Variants in SDCCAG8 observed in about 807,000 individuals in gnomAD.
The protein encoded by SDCCAG8 is SHH signaling and ciliogenesis regulator SDCCAG8, also known as serologically defined colon cancer antigen 8.
Under a neutral mutation model 101.8 loss-of-function variants are expected in SDCCAG8, and 74 were observed. The ratio of observed to expected loss-of-function variants is 0.73; its 90% CI spans 0.60 to 0.88. The LOEUF is 0.88. Among genes scored for constraint, SDCCAG8 ranks in the 40% least tolerant of loss-of-function variants. SDCCAG8 has a pLI of 0.00. For synonymous variants in SDCCAG8, 281 were observed against 292.9 expected, an observed-to-expected ratio of 0.96 and a Z score of 0.41; for missense variants, 787 against 822.6, an observed-to-expected ratio of 0.96 and a Z score of 0.53.
chr1:243,288,242 CG>C (rs2069828895), intron 5 of SDCCAG8, among the ~76,000 whole-genome samples: 2 of 152,004 alleles, frequency 1.3e-5, no homozygotes, highest in African/African-American at 4.8e-5. Flanking sequence ...ATCACACGAA[CG>C]GATGGATCAC....
chr1:243,258,272 A>T (rs980584371), intron 1 of SDCCAG8, among the ~76,000 whole-genome samples: 7 of 152,190 alleles, frequency 4.6e-5, no homozygotes, highest in African/African-American at 1.7e-4. Context: ...AGGACATATC[A>T]TTTATTTAGT....
At chr1:243,322,393 C>T (rs149808167) in intron 9 of SDCCAG8, among the ~76,000 whole-genome samples, 7 of 152,284 alleles carry the variant, frequency 4.6e-5, no homozygotes, top group African/African-American at 1.7e-4. Flanking sequence ...ATATATGCAT[C>T]TACTATGTAC....
chr1:243,333,332 T>A (rs1009735821), intron 10 of SDCCAG8, among the ~76,000 whole-genome samples: 4 of 152,232 alleles, frequency 2.6e-5, no homozygotes, highest in Non-Finnish European at 5.9e-5. Flanking sequence ...TTTCTTCTAA[T>A]CTGTGGTTCT....
In SDCCAG8 at chr1:243,305,078, G is replaced by A. The variant is rs1158435278; in HGVS notation, c.740+301G>A. The A allele has an allele frequency of 2.3e-5, 7 of 310,590 alleles. No homozygotes were observed. The highest frequency in any genetic ancestry group is 4.3e-5 in the Non-Finnish European group (7 of 163,892). The allele number at this position is 310,590 out of a possible 1,614,324, so 19.2% of individuals were successfully genotyped here. A position where few individuals can be genotyped will look rare whatever the true frequency, so the allele number is the denominator to read the frequency against. ...TCCCAGCACTTTGGGAGGCTGAAGC[G>A]GGCGAATCACGAGGTCAAGAGATTG... On this transcript the variant is annotated intron_variant, in intron 7 of 17. Transcript: ENST00000366541.
At chr1:243,325,885 A>G (rs1334557752) in intron 9 of SDCCAG8, among the ~76,000 whole-genome samples, 1 of 152,244 alleles carries the variant, frequency 6.6e-6, no homozygotes, top group African/African-American at 2.4e-5. Flanking sequence ...ATAATTTTAA[A>G]AGAGGAAAAG....
intron 6 of SDCCAG8, among the ~76,000 whole-genome samples, chr1:243,301,646 A>G (rs2071514615): frequency 6.6e-6 from 1 of 152,220 alleles, no homozygotes; most frequent in South Asian, 2.1e-4. Flanking sequence ...ACACGCACAA[A>G]AACTTTGTAC....
chr1:243,498,316 G>A (rs1243018325), intron 17 of SDCCAG8, among the ~76,000 whole-genome samples: 1 of 152,202 alleles, frequency 6.6e-6, no homozygotes, highest in African/African-American at 2.4e-5. Flanking sequence ...AGGGCTCTAG[G>A]GCATAGTGCA....
chr1:243,475,518 C>T (rs1013520706), intron 16 of SDCCAG8, among the ~76,000 whole-genome samples: 1 of 152,136 alleles, frequency 6.6e-6, no homozygotes, highest in African/African-American at 2.4e-5. Flanking sequence ...CCATAAGCAA[C>T]ACTGACCCAG....
At chr1:243,425,906 A>G (rs1243754191) in intron 15 of SDCCAG8, among the ~76,000 whole-genome samples, 1 of 152,220 alleles carries the variant, frequency 6.6e-6, no homozygotes, top group African/African-American at 2.4e-5. Context: ...TCATCTAAAA[A>G]GCACCCTCAC....
chr1:243,426,666 C>A, intron 16 of SDCCAG8, 108 bp downstream of exon 16: 1 of 1,320,244 alleles, frequency 7.6e-7, no homozygotes, highest in Non-Finnish European at 1.1e-6. Flanking sequence ...CATTATGCTA[C>A]TTGTGACATG....
intron 16 of SDCCAG8, among the ~76,000 whole-genome samples, chr1:243,459,871 A>G (rs560276256): frequency 6.6e-6 from 1 of 152,256 alleles, no homozygotes; most frequent in African/African-American, 2.4e-5. Flanking sequence ...TCGAGAAGCT[A>G]GTAAGTTTCT....
intron 7 of SDCCAG8, chr1:243,307,312 C>T (rs932341847): frequency 1.1e-4 from 88 of 826,368 alleles, no homozygotes; most frequent in Non-Finnish European, 1.2e-4. Context: ...CTTTAGCAGC[C>T]TGTATGTTTC....
At chr1:243,272,585 C>A (rs2068182964) in intron 3 of SDCCAG8, among the ~76,000 whole-genome samples, 1 of 152,076 alleles carries the variant, frequency 6.6e-6, no homozygotes, top group Non-Finnish European at 1.5e-5. Context: ...TGCTTATTTG[C>A]CTTTTAAAGT....
At chr1:243,407,081 T>C (rs570065110) in intron 13 of SDCCAG8, among the ~76,000 whole-genome samples, 17 of 152,122 alleles carry the variant, frequency 1.1e-4, no homozygotes, top group African/African-American at 3.9e-4. Flanking sequence ...CACTAGACAA[T>C]AGACTCTCTG....
chr1:243,288,129 T>C (rs2069812382), intron 5 of SDCCAG8, among the ~76,000 whole-genome samples: 2 of 152,176 alleles, frequency 1.3e-5, no homozygotes, highest in South Asian at 4.1e-4. Context: ...TATTTGTTGT[T>C]GTTGAATTGT....
intron 5 of SDCCAG8, among the ~76,000 whole-genome samples, chr1:243,292,581 C>T (rs1049061069): frequency 1.5e-4 from 23 of 152,176 alleles, no homozygotes; most frequent in Non-Finnish European, 3.2e-4. Context: ...TGACCCTCAG[C>T]TACTCTATGT....
intron 16 of SDCCAG8, among the ~76,000 whole-genome samples, chr1:243,466,364 C>T (rs1280775660): frequency 6.6e-6 from 1 of 152,178 alleles, no homozygotes; most frequent in Non-Finnish European, 1.5e-5. Flanking sequence ...TAGGCTGGGC[C>T]TCATACCCTT....
At chr1:243,410,711 C>A (rs2148000286) in intron 13 of SDCCAG8, among the ~76,000 whole-genome samples, 1 of 152,276 alleles carries the variant, frequency 6.6e-6, no homozygotes, top group South Asian at 2.1e-4. Context: ...TTTAAAAAAT[C>A]TGCTTAACAA....
At chr1:243,386,483 C>T (rs893920638) in intron 13 of SDCCAG8, among the ~76,000 whole-genome samples, 3 of 151,974 alleles carry the variant, frequency 2.0e-5, no homozygotes, top group Non-Finnish European at 4.4e-5. Flanking sequence ...AGGCAGATCG[C>T]GAGAGGTCAG....
Sources: gnomAD v4.1 joint callset for allele counts (sites outside exome capture counted in the v4.1 genomes callset) on GRCh38, gnomAD v4.1.1 for gene constraint, MANE v1.5 for transcripts, NCBI Gene and HGNC (gene_info 2026-07-23, HGNC 2026-07-21) for gene names.